Variants in DNAH9 observed in about 807,000 individuals in gnomAD.
DNAH9 encodes dynein axonemal heavy chain 9.
In DNAH9, 345 loss-of-function variants were observed where a neutral mutation model predicts 471.6. The observed-to-expected ratio is 0.73, with a 90% CI of 0.67 to 0.80. DNAH9 has a LOEUF of 0.80. Among genes scored for constraint, DNAH9 ranks in the 30% least tolerant of loss-of-function variants. The pLI, the probability that DNAH9 is intolerant of heterozygous loss-of-function variation, is 0.00. For synonymous variants in DNAH9, 2,093 were observed against 2,123.6 expected (o/e 0.99, Z 0.40); for missense variants, 5,407 against 5,609.2 (o/e 0.96, Z 1.15).
At position 11,846,063 on chromosome 17, in the gene DNAH9, A is replaced by G. The variant is rs1442025238; in HGVS notation, c.9508-7940A>G. Among the ~76,000 whole-genome samples the G allele has an allele frequency of 9.4e-3, 1,406 of 149,756 alleles. 19 individuals are homozygous for G. Among genetic ancestry groups the G allele is most frequent in the African/African-American group, 0.033 (1,291 of 39,252 alleles). The stretch of plus-strand genomic sequence containing the variant: ...TGCCATTGCTTTTGGTGTTCTAGAC[A>G]TGAAGTCCTTGCCCATGCCTATGTC... On this transcript the variant is annotated intron_variant, in intron 49 of 68. Transcript: ENST00000262442.
chr17:11,946,812 T>C (rs553835864), intron 67 of DNAH9, among the ~76,000 whole-genome samples: 10 of 152,216 alleles, frequency 6.6e-5, no homozygotes, highest in African/African-American at 2.4e-4. Context: ...AGGTTGAGCA[T>C]AGGGAGACAG....
At chr17:11,763,337 G>A in intron 35 of DNAH9, 103 bp from the exon 36 acceptor site, 1 of 999,022 alleles carries the variant, frequency 1.0e-6, no homozygotes, top group East Asian at 2.4e-5. Context: ...GAACTTGACG[G>A]ACCATGAGTC....
At chr17:11,822,087 C>T (rs771693044) in intron 46 of DNAH9, 25 bp downstream of exon 46, 2 of 1,598,664 alleles carry the variant, frequency 1.3e-6, no homozygotes, top group African/African-American at 1.3e-5. Context: ...CTGACAGGGG[C>T]AGGCAGAGAC....
At chr17:11,650,716 C>T (rs938405771) in intron 12 of DNAH9, among the ~76,000 whole-genome samples, 4 of 152,200 alleles carry the variant, frequency 2.6e-5, no homozygotes, top group African/African-American at 9.6e-5. Context: ...TAGGCCACCA[C>T]CCTTGGATGG....
intron 15 of DNAH9, among the ~76,000 whole-genome samples, chr17:11,667,264 G>A (rs1428404108): frequency 1.3e-5 from 2 of 150,880 alleles, no homozygotes; most frequent in Non-Finnish European, 3.0e-5. Context: ...GCAAATTATA[G>A]GTGATTTTAT....
Position 11,654,254 on chromosome 17 carries a change from G to A in DNAH9, c.2595+1252G>A, listed in dbSNP as rs1403745410. ...GCCTGTAGTCCCAGCTACTCGGGAG[G>A]CTGAGGCAGGAGAATGGCGTGAACC... On this transcript the variant is annotated intron_variant, in intron 14 of 68. Coordinates refer to ENST00000262442, the MANE Select transcript of DNAH9 (RefSeq NM_001372.4). Among the ~76,000 whole-genome samples the A allele has an allele frequency of 6.3e-5, 6 of 95,242 alleles. 1 individual carries two copies. Among genetic ancestry groups the A allele is most frequent in the Non-Finnish European group, 1.4e-4 (6 of 43,170 alleles). 62.5% of individuals were successfully genotyped at this position (95,242 alleles called of 152,430 possible).
intron 53 of DNAH9, among the ~76,000 whole-genome samples, chr17:11,878,910 A>G (rs1212403473): frequency 6.6e-6 from 1 of 152,204 alleles, no homozygotes; most frequent in Non-Finnish European, 1.5e-5. Flanking sequence ...TGGAAATCCA[A>G]TCAATTTAAA....
In DNAH9 at chr17:11,869,266, C is replaced by G; in HGVS notation, c.10053+13C>G. On this transcript the variant is annotated intron_variant, in intron 51 of 68. Coordinates refer to ENST00000262442, the MANE Select transcript of DNAH9 (RefSeq NM_001372.4). ...TGCCAACCGCCTGGTGAGTGTAAGC[C>G]ACAGCAGCCCGAGCTGTAATTATAT... 6.2e-7 allele frequency: 1 copy of G among 1,611,970 alleles called. No homozygotes were observed. Among genetic ancestry groups the G allele is most frequent in the Non-Finnish European group, 8.5e-7 (1 of 1,179,144 alleles).
At chr17:11,755,305 G>A (rs531989916) in intron 33 of DNAH9, among the ~76,000 whole-genome samples, 1 of 152,044 alleles carries the variant, frequency 6.6e-6, no homozygotes, top group African/African-American at 2.4e-5. Flanking sequence ...AGCTATTCTG[G>A]CTCTTTTTTG....
chr17:11,888,206 G>C (rs374019328), intron 57 of DNAH9, among the ~76,000 whole-genome samples: 49 of 151,922 alleles, frequency 3.2e-4, no homozygotes, highest in East Asian at 1.9e-3. Context: ...GGATGGTCTC[G>C]ATCTCCGGAC....
intron 44 of DNAH9, among the ~76,000 whole-genome samples, chr17:11,808,449 C>T (rs537607712): frequency 1.1e-4 from 17 of 152,234 alleles, no homozygotes; most frequent in South Asian, 8.3e-4. Flanking sequence ...TAGGAAGTCA[C>T]GGTGTAACTT....
Position 11,690,084 on chromosome 17 carries a change from G to T in DNAH9, c.4262G>T (p.Arg1421Leu). 1 of 1,614,172 alleles carries T rather than the reference G, an allele frequency of 6.2e-7. No individual in the cohort carries two copies. The highest frequency in any genetic ancestry group is 8.5e-7 in the Non-Finnish European group (1 of 1,180,024). ...LQLHHYEDEV[R>L]GIVDKAAKEM... is the part of the protein sequence containing the mutation. ...CTGCACCACTATGAGGATGAGGTCCGGGGCATTGTGGACAAAGCTGCAAAA... is the reference window on the plus strand; with the variant it reads ...CTGCACCACTATGAGGATGAGGTCCTGGGCATTGTGGACAAAGCTGCAAAA... Residue 1421 changes from arginine (R) to leucine (L), a missense_variant, in exon 20 of 69, where the codon CGG (arginine) becomes CTG (leucine). Physicochemically the swap from Arg to Leu is moderately radical, Grantham distance 102. Coordinates refer to ENST00000262442, the MANE Select transcript of DNAH9 (RefSeq NM_001372.4).
intron 33 of DNAH9, among the ~76,000 whole-genome samples, chr17:11,755,920 A>C (rs1358925927): frequency 6.6e-6 from 1 of 152,180 alleles, no homozygotes; most frequent in African/African-American, 2.4e-5. Context: ...GCAGAAGGTG[A>C]AAGGCGCGTC....
rs746319400 is a variant in DNAH9, at chr17:11,617,641, C to T, written c.1116+19C>T. ...CCAGCAGGTGGGCTGCCCTGGGATG[C>T]CCAGCAACTGCTCCCTGGGGGCTGG... is the stretch of plus-strand genomic sequence containing the variant. On this transcript the variant is annotated intron_variant, in intron 5 of 68. Coordinates refer to ENST00000262442, the MANE Select transcript of DNAH9 (RefSeq NM_001372.4). 9.7e-5 allele frequency: 154 copies of T among 1,589,960 alleles called. No homozygotes were observed. Among genetic ancestry groups the T allele is most frequent in the Non-Finnish European group, 1.3e-4 (145 of 1,159,014 alleles).
intron 6 of DNAH9, among the ~76,000 whole-genome samples, chr17:11,627,040 C>T (rs1460083678): frequency 5.9e-5 from 9 of 151,928 alleles, no homozygotes; most frequent in Admixed American, 5.9e-4. Context: ...GTGTGATAAG[C>T]GCTCTGAATA....
intron 62 of DNAH9, among the ~76,000 whole-genome samples, chr17:11,927,596 G>T (rs1364524543): frequency 1.3e-5 from 2 of 152,116 alleles, no homozygotes; most frequent in Admixed American, 1.3e-4. Flanking sequence ...CTTCTTTATG[G>T]ATCTAACATC....
chr17:11,930,780 A>AAAAAAAAAAAAAAAAAAAAAAAAAT (rs1567558351), intron 63 of DNAH9, among the ~76,000 whole-genome samples: 1 of 151,044 alleles, frequency 6.6e-6, no homozygotes, highest in African/African-American at 2.4e-5. Flanking sequence ...AAAAAAAAAA[A>AAAAAAAAAAAAAAAAAAAAAAAAAT]AATTGCAGAT....
chr17:11,909,885 A>G (rs952230012), intron 61 of DNAH9, among the ~76,000 whole-genome samples: 6 of 152,188 alleles, frequency 3.9e-5, no homozygotes, highest in African/African-American at 1.4e-4. Context: ...CCCTACATCC[A>G]CTAGCCATTA....
intron 43 of DNAH9, among the ~76,000 whole-genome samples, chr17:11,806,256 C>T (rs574369723): frequency 1.8e-4 from 27 of 152,262 alleles, no homozygotes; most frequent in African/African-American, 6.3e-4. Context: ...ATGTCGGTGC[C>T]GTCATTCTGC....
Sources: gnomAD v4.1 joint callset for allele counts (sites outside exome capture counted in the v4.1 genomes callset) on GRCh38, gnomAD v4.1.1 for gene constraint, MANE v1.5 for transcripts, NCBI Gene and HGNC (gene_info 2026-07-23, HGNC 2026-07-21) for gene names.